The following PHF14 variants were observed in gnomAD, a reference collection of about 807,000 sequenced individuals.
The protein encoded by PHF14 is PHD finger protein 14.
PHF14 carries 55 observed loss-of-function variants against 117.9 expected under a neutral mutation model. The ratio of observed to expected loss-of-function variants is 0.47; its 90% CI spans 0.38 to 0.58. PHF14 has a LOEUF of 0.58. PHF14 is among the 20% of genes least tolerant of loss of function. PHF14 has a pLI of 0.00. For missense variants in PHF14, 978 were observed against 1,122.2 expected, an observed-to-expected ratio of 0.87 and a Z score of 1.84; for synonymous variants, 409 against 368.6, an observed-to-expected ratio of 1.11 and a Z score of -1.26.
intron 16 of PHF14, among the ~76,000 whole-genome samples, chr7:11,065,622 T>C (rs1785397563): frequency 6.6e-6 from 1 of 152,178 alleles, no homozygotes; most frequent in Non-Finnish European, 1.5e-5. Flanking sequence ...TCCTCTGCTG[T>C]ATTTTAAGTA....
chr7:11,006,813 T>C (rs1562415924), intron 4 of PHF14: 3 of 795,292 alleles, frequency 3.8e-6, no homozygotes, highest in Non-Finnish European at 6.4e-6. Flanking sequence ...TTGAAAGCCT[T>C]CGGTTTGGCT....
chr7:10,974,745 C>A, intron 1 of PHF14, 90 bp from the exon 2 acceptor site: 1 of 703,904 alleles, frequency 1.4e-6, no homozygotes, highest in Non-Finnish European at 2.4e-6. Context: ...ATTCCTTGTG[C>A]GAGGTCATCT....
At chr7:11,143,269 A>G (rs539603812) in intron 17 of PHF14, among the ~76,000 whole-genome samples, 96 of 152,230 alleles carry the variant, frequency 6.3e-4, no homozygotes, top group African/African-American at 2.2e-3. Flanking sequence ...AATGTTTTCT[A>G]TCAATAACCA....
chr7:11,114,810 A>G (rs774152517), intron 17 of PHF14, among the ~76,000 whole-genome samples: 21 of 152,092 alleles, frequency 1.4e-4, no homozygotes, highest in Non-Finnish European at 5.9e-5. Context: ...ACCTTCTCGC[A>G]TAGGCTATGC....
rs1390794785 is a variant in PHF14 at position 11,104,575 on chromosome 7, GGAAAGGAAGAAACAT to G, written c.2655-6770_2655-6756del. 5.1e-6 allele frequency: 5 copies of G among 983,338 alleles called. No individual in the cohort carries two copies. In the African/African-American group the frequency reaches 7.0e-5, roughly 14 times the overall value. The allele number at this position is 983,338 out of a possible 1,614,324, so 60.9% of individuals were successfully genotyped here. On this transcript the variant is annotated intron_variant, in intron 16 of 17. Transcript: ENST00000634607. ...ATGATAGTTGTTTATCACACAGTAG[GGAAAGGAAGAAACAT>G]GAAAATATCAGGAAGGAGATGAAAT... is the stretch of plus-strand genomic sequence containing the variant.
intron 17 of PHF14, among the ~76,000 whole-genome samples, chr7:11,149,056 G>A (rs1788634207): frequency 6.6e-6 from 1 of 151,720 alleles, no homozygotes; most frequent in Non-Finnish European, 1.5e-5. Context: ...TAAGAAAACT[G>A]AGAATGAGGG....
At chr7:11,032,530 C>T (rs1178358822) in intron 7 of PHF14, among the ~76,000 whole-genome samples, 4 of 151,412 alleles carry the variant, frequency 2.6e-5, no homozygotes, top group Non-Finnish European at 4.4e-5. Flanking sequence ...GATTCTAGAC[C>T]AAATCATGGC....
chr7:10,994,952 C>T (rs796406263), intron 4 of PHF14, among the ~76,000 whole-genome samples: 10 of 152,318 alleles, frequency 6.6e-5, no homozygotes, highest in South Asian at 2.1e-4. Context: ...GCTCTTATCC[C>T]CTTCTCTGGC....
intron 5 of PHF14, among the ~76,000 whole-genome samples, chr7:11,017,500 G>T (rs1048742221): frequency 6.6e-6 from 1 of 152,092 alleles, no homozygotes; most frequent in Non-Finnish European, 1.5e-5. Flanking sequence ...CAAGGATTTT[G>T]AGTCCCTTTT....
At chr7:11,136,028 A>G (rs1385189567) in intron 17 of PHF14, among the ~76,000 whole-genome samples, 1 of 152,162 alleles carries the variant, frequency 6.6e-6, no homozygotes, top group Non-Finnish European at 1.5e-5. Context: ...AAAAATTGGT[A>G]AGCTTTTGGT....
chr7:11,160,543 A>G (rs1788993063), intron 17 of PHF14, among the ~76,000 whole-genome samples: 1 of 152,144 alleles, frequency 6.6e-6, no homozygotes, highest in African/African-American at 2.4e-5. Context: ...TTTTCTCTGC[A>G]GCCTTCCCAG....
Position 11,063,682 on chromosome 7 carries a change from A to G in PHF14, c.2654+1597A>G, listed in dbSNP as rs1036900304. On this transcript the variant is annotated intron_variant, in intron 16 of 17. Transcript: ENST00000634607. ...TTAGGTTTTTTGTTTTGCTTTTGTC[A>G]TATATTGGAAATTAGGAACCTGAGA... 6.5e-6 allele frequency: 6 copies of G among 930,168 alleles called. No individual in the cohort carries two copies. In the East Asian group the frequency reaches 4.7e-4, roughly 73 times the overall value. 57.6% of individuals were successfully genotyped at this position (930,168 alleles called of 1,614,324 possible).
At chr7:11,121,500 A>G (rs1214438934) in intron 17 of PHF14, among the ~76,000 whole-genome samples, 1 of 152,184 alleles carries the variant, frequency 6.6e-6, no homozygotes, top group Non-Finnish European at 1.5e-5. Flanking sequence ...CAAGACCCCT[A>G]GAAGATGCCT....
At chr7:11,035,578 A>T in intron 7 of PHF14, 62 bp from the exon 8 acceptor site, 1 of 975,896 alleles carries the variant, frequency 1.0e-6, no homozygotes, top group Non-Finnish European at 1.4e-6. Context: ...CTTTTGTGTT[A>T]GGTCTTTTAT....
intron 17 of PHF14, among the ~76,000 whole-genome samples, chr7:11,165,260 G>T (rs1789169083): frequency 1.3e-5 from 2 of 152,088 alleles, no homozygotes; most frequent in Non-Finnish European, 2.9e-5. Context: ...TAATTATATT[G>T]TAGAGGGTTT....
intron 7 of PHF14, among the ~76,000 whole-genome samples, chr7:11,030,127 A>G (rs146175353): frequency 6.4e-4 from 96 of 150,826 alleles, no homozygotes; most frequent in African/African-American, 2.1e-3. Context: ...GATGAAGGCT[A>G]CTAGATGAAC....
At chr7:11,058,470 T>C (rs1785095902) in intron 14 of PHF14, among the ~76,000 whole-genome samples, 1 of 152,224 alleles carries the variant, frequency 6.6e-6, no homozygotes, top group Non-Finnish European at 1.5e-5. Flanking sequence ...TAGTTATATT[T>C]GGACCAAATT....
intron 16 of PHF14, among the ~76,000 whole-genome samples, chr7:11,070,117 C>G (rs2128332650): frequency 6.6e-6 from 1 of 152,216 alleles, no homozygotes; most frequent in African/African-American, 2.4e-5. Context: ...CTGTGTTTCT[C>G]TTTTTGTTTG....
intron 5 of PHF14, among the ~76,000 whole-genome samples, chr7:11,017,662 T>C (rs1331642824): frequency 6.6e-6 from 1 of 152,214 alleles, no homozygotes; most frequent in Non-Finnish European, 1.5e-5. Flanking sequence ...TTATCCCTTG[T>C]TAGTTGGGTA....
Sources: gnomAD v4.1 joint callset for allele counts (sites outside exome capture counted in the v4.1 genomes callset) on GRCh38, gnomAD v4.1.1 for gene constraint, MANE v1.5 for transcripts, NCBI Gene and HGNC (gene_info 2026-07-23, HGNC 2026-07-21) for gene names.